CHIA: variants seen among roughly 807,000 people sequenced by gnomAD.
CHIA encodes the protein acidic mammalian chitinase.
CHIA carries 47 observed loss-of-function variants against 53.5 expected under a neutral mutation model. The ratio of observed to expected loss-of-function variants is 0.88; its 90% CI spans 0.70 to 1.12. The LOEUF is 1.12. Among genes scored for constraint, CHIA ranks in the 50% most tolerant of loss-of-function variants. The probability of loss-of-function intolerance (pLI) is 0.00; values close to 1 mark genes in which losing one functional copy is unlikely to be tolerated. For synonymous variants in CHIA, 268 were observed against 222.2 expected, an observed-to-expected ratio of 1.21 and a Z score of -1.83; for missense variants, 652 against 592.2, an observed-to-expected ratio of 1.10 and a Z score of -1.05.
intron 1 of CHIA, among the ~76,000 whole-genome samples, chr1:111,309,979 G>A (rs1342479260): frequency 6.6e-6 from 1 of 152,082 alleles, no homozygotes; most frequent in Admixed American, 6.6e-5. Flanking sequence ...ACCTAAAGAA[G>A]GAAGATTTCT....
intron 7 of CHIA, 84 bp downstream of exon 7, chr1:111,317,889 G>A (rs1235587490): frequency 6.2e-7 from 1 of 1,610,110 alleles, no homozygotes; most frequent in Non-Finnish European, 8.5e-7. Context: ...TGCTATTCAG[G>A]GACCTTGTTT....
chr1:111,317,712 A>G lies in CHIA; in HGVS notation c.512A>G (p.Lys171Arg), dbSNP rs1313908165. The G allele has an allele frequency of 1.9e-6, 3 of 1,614,146 alleles. No homozygotes were observed. The highest frequency in any genetic ancestry group is 2.5e-6 in the Non-Finnish European group (3 of 1,180,026). The change falls in exon 7 of 12, where the codon AAG becomes AGG. Residue 171 changes from lysine (K) to arginine (R), a missense_variant. Physicochemically the swap from Lys to Arg is conservative, Grantham distance 26. Coordinates refer to ENST00000369740, the MANE Select transcript of CHIA (RefSeq NM_201653.4). Reference sequence around the variant, plus strand: ...CGTGAAGCTTTTGAGCAGGAGGCCAAGCAGATCAACAAGCCCAGGCTGATG... The same window carrying G: ...CGTGAAGCTTTTGAGCAGGAGGCCAGGCAGATCAACAAGCCCAGGCTGATG... ...EMREAFEQEA[K>R]QINKPRLMVT... is the part of the protein sequence containing the mutation.
chr1:111,309,041 G>T (rs1450987581), intron 1 of CHIA, among the ~76,000 whole-genome samples: 4 of 152,188 alleles, frequency 2.6e-5, no homozygotes, highest in Non-Finnish European at 5.9e-5. Flanking sequence ...GTGGCACGAG[G>T]GAAAGCATCA....
rs776333174 is a variant in CHIA at position 111,319,353 on chromosome 1, T to C, written c.1062T>C (p.Phe354=). ...CTCAATGGCTTAAGCACAACAAATT[T>C]GGAGGCGCCATGGTCTGGGCCATTG... is the stretch of plus-strand genomic sequence containing the variant. ...IKAQWLKHNK[F]GGAMVWAIDL... is the part of the protein sequence containing the mutation. The change falls in exon 11 of 12, where the codon TTT becomes TTC. Residue 354 remains phenylalanine, a synonymous_variant. Transcript: ENST00000369740. 6 of 1,614,092 alleles carry C rather than the reference T, an allele frequency of 3.7e-6. No homozygotes were observed. The highest frequency in any genetic ancestry group is 5.1e-6 in the Non-Finnish European group (6 of 1,180,036).
intron 1 of CHIA, among the ~76,000 whole-genome samples, chr1:111,302,558 A>T (rs939923880): frequency 4.6e-5 from 7 of 152,150 alleles, no homozygotes; most frequent in Non-Finnish European, 1.0e-4. Flanking sequence ...TGGCTTCTAC[A>T]GTTTCACTTC....
intron 1 of CHIA, among the ~76,000 whole-genome samples, chr1:111,306,531 A>G (rs1452677378): frequency 6.6e-6 from 1 of 152,208 alleles, no homozygotes; most frequent in Non-Finnish European, 1.5e-5. Flanking sequence ...TTACATTCTC[A>G]GAGTAGGGAG....
rs17027394 is a variant in CHIA at position 111,310,455 on chromosome 1, G to T, written c.-13G>T. 3.0e-4 allele frequency: 491 copies of T among 1,611,914 alleles called. 5 individuals are homozygous for T. The East Asian group carries it at 9.2e-3, about 30-fold the overall frequency. ...ATATAAAAAGCTCTGCGGGACTGGTGCTGACTGCAACCATGACAAAGCTTA... is the reference window on the plus strand; with the variant it reads ...ATATAAAAAGCTCTGCGGGACTGGTTCTGACTGCAACCATGACAAAGCTTA... On this transcript the variant is annotated 5_prime_UTR_variant, in exon 2 of 12. Transcript: ENST00000369740.
chr1:111,319,596 C>T, intron 11 of CHIA, 128 bp downstream of exon 11: 1 of 859,212 alleles, frequency 1.2e-6, no homozygotes, highest in Non-Finnish European at 1.8e-6. Context: ...CCGCTCTTGC[C>T]CAGATGAGAG....
intron 1 of CHIA, among the ~76,000 whole-genome samples, chr1:111,291,689 AG>A (rs1253489415): frequency 2.6e-5 from 4 of 152,130 alleles, no homozygotes; most frequent in East Asian, 3.9e-4. Context: ...TTTTTTAAAA[AG>A]GGGGGAAAAA....
Position 111,312,247 on chromosome 1 carries a change from TGGG to T in CHIA, c.115_117del (p.Gly39del). The T allele has an allele frequency of 6.2e-7, 1 of 1,614,138 alleles. No homozygotes were observed. Among genetic ancestry groups the T allele is most frequent in the Non-Finnish European group, 8.5e-7 (1 of 1,179,998 alleles). On this transcript the variant is annotated inframe_deletion, in exon 4 of 12. Coordinates refer to ENST00000369740, the MANE Select transcript of CHIA (RefSeq NM_201653.4). The stretch of plus-strand genomic sequence containing the variant: ...AACTGGGCCCAGTACCGGCCAGGCC[TGGG>T]GCGCTTCATGCCTGACAACATCGAC...
At chr1:111,319,275 C>G (rs1472459331) in intron 10 of CHIA, 36 bp downstream of exon 10, 2 of 1,613,960 alleles carry the variant, frequency 1.2e-6, no homozygotes, top group African/African-American at 2.7e-5. Context: ...GAGGTCCCAG[C>G]CCTGAGTCCC....
intron 1 of CHIA, among the ~76,000 whole-genome samples, chr1:111,309,996 CTGATTGTACAA>C (rs2101634049): frequency 6.6e-6 from 1 of 152,208 alleles, no homozygotes; most frequent in Non-Finnish European, 1.5e-5. Context: ...TTCTTAGGCA[CTGATTGTACAA>C]ATTACATATG....
At chr1:111,320,139 T>A in intron 11 of CHIA, 74 bp from the exon 12 acceptor site, 1 of 1,403,150 alleles carries the variant, frequency 7.1e-7, no homozygotes, top group Non-Finnish European at 9.9e-7. Flanking sequence ...ACTCCCACAG[T>A]TCTCTTCACC....
intron 5 of CHIA, 46 bp downstream of exon 5, chr1:111,314,642 A>T: frequency 1.4e-6 from 2 of 1,423,390 alleles, no homozygotes; most frequent in Non-Finnish European, 2.0e-6. Context: ...TATGGAAAAC[A>T]AGTTAGCCCC....
chr1:111,307,952 T>C (rs1648330177), intron 1 of CHIA, among the ~76,000 whole-genome samples: 1 of 152,202 alleles, frequency 6.6e-6, no homozygotes, highest in African/African-American at 2.4e-5. Context: ...ATATTTTTCT[T>C]AAAATGTATA....
intron 1 of CHIA, 165 bp from the exon 2 acceptor site, chr1:111,310,235 T>G: frequency 1.3e-6 from 1 of 798,830 alleles, no homozygotes; most frequent in Non-Finnish European, 1.8e-6. Context: ...CACCACCCTG[T>G]TAGGAGCCAT....
chr1:111,320,197 C>T lies in CHIA; in HGVS notation c.1178-16C>T, dbSNP rs116217812. ...TCCCAAGCCCACTAGTCTGCTCTTACTGCTGTATGTTTCAGGTTGCACGGC... is the reference window on the plus strand; with the variant it reads ...TCCCAAGCCCACTAGTCTGCTCTTATTGCTGTATGTTTCAGGTTGCACGGC... On this transcript the variant is annotated splice_polypyrimidine_tract_variant and intron_variant, in intron 11 of 11. Transcript: ENST00000369740. The T allele has an allele frequency of 1.3e-3, 2,153 of 1,610,206 alleles. 23 individuals are homozygous for T. In the African/African-American group the frequency reaches 0.022, roughly 17 times the overall value.
At chr1:111,306,239 G>A (rs1001424165) in intron 1 of CHIA, among the ~76,000 whole-genome samples, 1 of 152,124 alleles carries the variant, frequency 6.6e-6, no homozygotes, top group Non-Finnish European at 1.5e-5. Context: ...AGCGTAAAAG[G>A]CCAAGAAAAC....
At chr1:111,301,499 A>G (rs1229930068) in intron 1 of CHIA, among the ~76,000 whole-genome samples, 2 of 151,964 alleles carry the variant, frequency 1.3e-5, no homozygotes, top group African/African-American at 2.4e-5. Flanking sequence ...GGAGATCAAG[A>G]CCATCCTGGC....
Sources: allele counts gnomAD v4.1 joint callset (sites outside exome capture counted in the v4.1 genomes callset), GRCh38; gene constraint gnomAD v4.1.1; transcripts MANE v1.5; gene names NCBI Gene and HGNC (gene_info 2026-07-23, HGNC 2026-07-21).